The following ANGPT1 variants were observed in gnomAD, a reference collection of about 807,000 sequenced individuals.
The protein encoded by ANGPT1 is angiopoietin 1, also known as angiopoietin-1.
Under a neutral mutation model 62.2 loss-of-function variants are expected in ANGPT1, and 17 were observed. The ratio of observed to expected loss-of-function variants is 0.27; its 90% CI spans 0.19 to 0.41. ANGPT1 has a LOEUF of 0.41. ANGPT1 is among the 10% of genes least tolerant of loss of function. The pLI is 1.00. For synonymous variants in ANGPT1, 199 were observed against 198.9 expected, an observed-to-expected ratio of 1.00 and a Z score of 0.00; for missense variants, 478 against 594.9, an observed-to-expected ratio of 0.80 and a Z score of 2.04.
intron 7 of ANGPT1, among the ~76,000 whole-genome samples, chr8:107,269,277 T>C (rs1813685334): frequency 6.6e-6 from 1 of 151,922 alleles, no homozygotes; most frequent in South Asian, 2.1e-4. Flanking sequence ...TAAGGACCAG[T>C]CACTCATTAG....
rs1429087377 is a variant in ANGPT1, at chr8:107,322,039, A to C, written c.665T>G (p.Leu222Trp). Residue 222 changes from leucine to tryptophan, a missense_variant, in exon 4 of 9, where the codon TTG (leucine) becomes TGG (tryptophan). Leu to Trp is a moderately conservative substitution (Grantham distance 61, BLOSUM62 -2). Transcript: ENST00000517746. ...LKEEKENLQG[L>W]VTRQTYIIQE... ...GATTATATATGTTTGACGAGTAACC[A>C]AGCCTTGAAGGTTCTCTTTCTCTTC... 1.2e-6 allele frequency: 2 copies of C among 1,614,000 alleles called. No homozygotes were observed. The highest frequency in any genetic ancestry group is 3.3e-5 in the Admixed American group (2 of 60,002).
At chr8:107,430,425 G>A (rs1173114845) in intron 1 of ANGPT1, among the ~76,000 whole-genome samples, 1 of 152,126 alleles carries the variant, frequency 6.6e-6, no homozygotes, top group African/African-American at 2.4e-5. Flanking sequence ...TATACTTTGA[G>A]CTCCTTGAGG....
chr8:107,439,901 G>A (rs1811428309), intron 1 of ANGPT1, among the ~76,000 whole-genome samples: 1 of 152,178 alleles, frequency 6.6e-6, no homozygotes, highest in African/African-American at 2.4e-5. Flanking sequence ...AAAAAACACT[G>A]AGTAGGAATC....
At chr8:107,345,551 T>G (rs951107348) in intron 2 of ANGPT1, among the ~76,000 whole-genome samples, 4 of 152,198 alleles carry the variant, frequency 2.6e-5, no homozygotes, top group Non-Finnish European at 5.9e-5. Flanking sequence ...TAATAGAAAC[T>G]TATACAAATT....
intron 1 of ANGPT1, among the ~76,000 whole-genome samples, chr8:107,414,653 C>T (rs1221662809): frequency 6.6e-6 from 1 of 152,160 alleles, no homozygotes; most frequent in African/African-American, 2.4e-5. Context: ...CTCATCCAAA[C>T]CAGGCAACTT....
At chr8:107,363,698 G>T (rs759731758) in intron 1 of ANGPT1, among the ~76,000 whole-genome samples, 1 of 152,086 alleles carries the variant, frequency 6.6e-6, no homozygotes, top group Non-Finnish European at 1.5e-5. Context: ...AGCTTCAAAT[G>T]GGAAGAATGG....
At chr8:107,362,934 T>C (rs532458937) in intron 1 of ANGPT1, among the ~76,000 whole-genome samples, 3 of 152,256 alleles carry the variant, frequency 2.0e-5, no homozygotes, top group South Asian at 2.1e-4. Flanking sequence ...ATATCAAAAA[T>C]AGAGAATCTT....
At chr8:107,289,298 T>C (rs1586191273) in intron 6 of ANGPT1, among the ~76,000 whole-genome samples, 1 of 152,272 alleles carries the variant, frequency 6.6e-6, no homozygotes, top group Non-Finnish European at 1.5e-5. Flanking sequence ...TGCCAAAACC[T>C]GCAGAAATGT....
chr8:107,299,462 C>CAT (rs1216357764), intron 5 of ANGPT1, among the ~76,000 whole-genome samples: 86 of 131,172 alleles, frequency 6.6e-4, no homozygotes, highest in Admixed American at 4.3e-3. Flanking sequence ...ATACACTAAG[C>CAT]ATATATATAT....
At chr8:107,269,005 A>G (rs1433756464) in intron 7 of ANGPT1, among the ~76,000 whole-genome samples, 2 of 152,102 alleles carry the variant, frequency 1.3e-5, no homozygotes, top group Non-Finnish European at 2.9e-5. Flanking sequence ...AGGAAGAGAC[A>G]CACAGTCTCT....
chr8:107,255,436 A>G (rs1174253580), intron 8 of ANGPT1, among the ~76,000 whole-genome samples: 4 of 152,132 alleles, frequency 2.6e-5, no homozygotes, highest in Non-Finnish European at 5.9e-5. Flanking sequence ...ACCTTTAGAC[A>G]TTTTCTTTTG....
chr8:107,400,727 T>A (rs890449329), intron 1 of ANGPT1, among the ~76,000 whole-genome samples: 4 of 151,976 alleles, frequency 2.6e-5, no homozygotes, highest in African/African-American at 7.3e-5. Flanking sequence ...ACCTGGCTAA[T>A]TTCTGTATTT....
intron 2 of ANGPT1, among the ~76,000 whole-genome samples, chr8:107,343,825 G>A (rs1815746530): frequency 6.6e-6 from 1 of 152,180 alleles, no homozygotes; most frequent in African/African-American, 2.4e-5. Flanking sequence ...ACTTTGGGAG[G>A]CCAAGGCAGG....
At chr8:107,318,365 T>C (rs141346744) in intron 4 of ANGPT1, among the ~76,000 whole-genome samples, 43 of 152,322 alleles carry the variant, frequency 2.8e-4, no homozygotes, top group African/African-American at 9.9e-4. Flanking sequence ...GATGTGTTAG[T>C]AGAAAAAGTG....
intron 1 of ANGPT1, among the ~76,000 whole-genome samples, chr8:107,369,967 G>A (rs1586263290): frequency 6.6e-6 from 1 of 151,932 alleles, no homozygotes; most frequent in Admixed American, 6.6e-5. Flanking sequence ...GAGAGACTCT[G>A]TCTCCACAAA....
At chr8:107,365,277 G>A (rs771486391) in intron 1 of ANGPT1, among the ~76,000 whole-genome samples, 2 of 151,976 alleles carry the variant, frequency 1.3e-5, no homozygotes, top group Non-Finnish European at 1.5e-5. Flanking sequence ...GTTCACTACC[G>A]GAAACTCAGC....
intron 1 of ANGPT1, among the ~76,000 whole-genome samples, chr8:107,354,845 A>G (rs1012369912): frequency 2.6e-5 from 4 of 151,902 alleles, no homozygotes; most frequent in African/African-American, 7.3e-5. Context: ...CTGTTCATCC[A>G]AGCCACAGAG....
chr8:107,273,069 A>G (rs1813776952), intron 7 of ANGPT1, among the ~76,000 whole-genome samples: 1 of 152,066 alleles, frequency 6.6e-6, no homozygotes, highest in Non-Finnish European at 1.5e-5. Context: ...GACCAGGCCA[A>G]TGGCCATCTC....
At chr8:107,488,671 A>T (rs971751148) in intron 1 of ANGPT1, among the ~76,000 whole-genome samples, 1 of 152,214 alleles carries the variant, frequency 6.6e-6, no homozygotes, top group African/African-American at 2.4e-5. Context: ...CTTTGTTCTT[A>T]TTATTTAAAA....
Sources: allele counts gnomAD v4.1 joint callset (sites outside exome capture counted in the v4.1 genomes callset), GRCh38; gene constraint gnomAD v4.1.1; transcripts MANE v1.5; gene names NCBI Gene and HGNC (gene_info 2026-07-23, HGNC 2026-07-21).